STXBP6: variants seen among roughly 807,000 people sequenced by gnomAD.
STXBP6 encodes syntaxin binding protein 6.
In STXBP6, 21 loss-of-function variants were observed where a neutral mutation model predicts 26.9. That is an observed-to-expected ratio of 0.78 (90% CI 0.55 to 1.12). STXBP6 has a LOEUF of 1.12. STXBP6 is among the 50% of genes most tolerant of loss of function. STXBP6 has a pLI of 0.00. For synonymous variants in STXBP6, 97 were observed against 92.6 expected, an observed-to-expected ratio of 1.05 and a Z score of -0.27; for missense variants, 232 against 257.9, an observed-to-expected ratio of 0.90 and a Z score of 0.69.
chr14:24,857,037 T>A lies in STXBP6; in HGVS notation c.275A>T (p.Asp92Val), dbSNP rs371289936. Residue 92 changes from aspartate (D) to valine (V), a missense_variant, in exon 3 of 6, where the codon GAT becomes GTT. Transcript: ENST00000323944. The part of the protein sequence containing the change: ...LEQLRQVNGI[D>V]PNGDSAEFDL... ...GGACAATTCACTCACCCCATTAGGA[T>A]CGATACCATTAACCTGGCGAAGCTG... The A allele has an allele frequency of 1.2e-6, 2 of 1,612,672 alleles. No individual in the cohort carries two copies. The highest frequency in any genetic ancestry group is 1.7e-6 in the Non-Finnish European group (2 of 1,179,084).
chr14:24,880,229 A>C (rs1468350814), intron 2 of STXBP6, among the ~76,000 whole-genome samples: 4 of 152,252 alleles, frequency 2.6e-5, no homozygotes, highest in Admixed American at 2.6e-4. Context: ...ACCAGCGGAA[A>C]GTTTCCTTAG....
chr14:24,916,689 T>C (rs533222442), intron 2 of STXBP6, among the ~76,000 whole-genome samples: 1 of 152,162 alleles, frequency 6.6e-6, no homozygotes, highest in South Asian at 2.1e-4. Context: ...GACTTCCTCC[T>C]AGGATCTAGG....
rs2138639966 is a variant in STXBP6 at position 24,810,846 on chromosome 14, T to C, written c.*1863A>G. On this transcript the variant is annotated 3_prime_UTR_variant, in exon 6 of 6. Transcript: ENST00000323944. ...CTATCTCTGAAACCAGAATCCAATT[T>C]GGAAAGATAAATACATCTCTGTGTG... 6.9e-6 allele frequency: 1 copy of C among 145,872 alleles called. No homozygotes were observed. The highest frequency in any genetic ancestry group is 7.1e-5 in the Admixed American group (1 of 14,022). 9.0% of individuals were successfully genotyped at this position (145,872 alleles called of 1,614,324 possible).
At chr14:24,979,195 T>C (rs2074123236) in intron 1 of STXBP6, among the ~76,000 whole-genome samples, 1 of 152,274 alleles carries the variant, frequency 6.6e-6, no homozygotes, top group Non-Finnish European at 1.5e-5. Flanking sequence ...GATCCCATGT[T>C]TAACATGCAA....
At chr14:24,932,690 G>A (rs2072460053) in intron 2 of STXBP6, among the ~76,000 whole-genome samples, 3 of 152,128 alleles carry the variant, frequency 2.0e-5, no homozygotes, top group Non-Finnish European at 4.4e-5. Context: ...CAGTTAAATG[G>A]ATAGAAAGGG....
intron 4 of STXBP6, among the ~76,000 whole-genome samples, chr14:24,823,449 T>C (rs2068197719): frequency 6.6e-6 from 1 of 152,160 alleles, no homozygotes; most frequent in African/African-American, 2.4e-5. Flanking sequence ...TCAGGGTGTA[T>C]CTTGGTAATT....
At chr14:24,932,980 T>C (rs1299838080) in intron 2 of STXBP6, among the ~76,000 whole-genome samples, 1 of 152,098 alleles carries the variant, frequency 6.6e-6, no homozygotes, top group Non-Finnish European at 1.5e-5. Flanking sequence ...TTTAAAGCAG[T>C]AGAAAGGGGT....
intron 1 of STXBP6, among the ~76,000 whole-genome samples, chr14:24,989,277 T>C (rs1391362339): frequency 6.6e-6 from 1 of 152,200 alleles, no homozygotes; most frequent in Admixed American, 6.5e-5. Context: ...TTACTGAGGA[T>C]ACAGAAGCTG....
chr14:24,954,389 G>A (rs2073271120), intron 2 of STXBP6, among the ~76,000 whole-genome samples: 1 of 152,142 alleles, frequency 6.6e-6, no homozygotes, highest in East Asian at 1.9e-4. Context: ...GGCTCTGAGA[G>A]AAAAGTCCCT....
intron 2 of STXBP6, among the ~76,000 whole-genome samples, chr14:24,945,570 A>AAAAAC (rs571075931): frequency 1.9e-4 from 29 of 152,112 alleles, no homozygotes; most frequent in African/African-American, 3.6e-4. Context: ...ACCCTGTCTC[A>AAAAAC]AAAACAAAAC....
At chr14:24,973,286 AT>A (rs986345092) in intron 2 of STXBP6, among the ~76,000 whole-genome samples, 2 of 151,694 alleles carry the variant, frequency 1.3e-5, no homozygotes, top group East Asian at 1.9e-4. Context: ...CAATAACCCA[AT>A]TTTTTTATTA....
chr14:24,916,059 AAT>A (rs1274531828), intron 2 of STXBP6, among the ~76,000 whole-genome samples: 4 of 152,202 alleles, frequency 2.6e-5, no homozygotes, highest in East Asian at 1.9e-4. Flanking sequence ...GACTCAAATA[AAT>A]ATATGTCTTG....
intron 2 of STXBP6, among the ~76,000 whole-genome samples, chr14:24,930,580 G>A (rs550820382): frequency 1.2e-4 from 19 of 152,266 alleles, no homozygotes; most frequent in African/African-American, 4.6e-4. Flanking sequence ...TAACACTGAA[G>A]CAAAGGCCTA....
At chr14:24,911,972 A>G (rs938566582) in intron 2 of STXBP6, among the ~76,000 whole-genome samples, 1 of 152,188 alleles carries the variant, frequency 6.6e-6, no homozygotes, top group African/African-American at 2.4e-5. Context: ...CACTCCAAAT[A>G]TTGTAAGACA....
intron 2 of STXBP6, 63 bp downstream of exon 2, chr14:24,974,602 C>T (rs1595228302): frequency 1.4e-6 from 2 of 1,432,646 alleles, no homozygotes; most frequent in Non-Finnish European, 1.9e-6. Flanking sequence ...TCCTGGATAC[C>T]TCAGAATGAA....
chr14:24,916,620 T>G (rs79469141), intron 2 of STXBP6, among the ~76,000 whole-genome samples: 2,082 of 152,220 alleles, frequency 0.014, 48 homozygotes, highest in African/African-American at 0.047. Context: ...GAATCTTTTT[T>G]GGTTTCCAGA....
chr14:25,001,502 AG>A (rs1306956788), intron 1 of STXBP6, among the ~76,000 whole-genome samples: 1 of 152,210 alleles, frequency 6.6e-6, no homozygotes, highest in Non-Finnish European at 1.5e-5. Context: ...GCATGATTAG[AG>A]GGTTGGAACT....
At chr14:24,816,067 T>C (rs2138692217) in intron 5 of STXBP6, 1 of 152,306 alleles carries the variant, frequency 6.6e-6, no homozygotes, top group South Asian at 2.1e-4. Flanking sequence ...CAAGTTATTT[T>C]CTACTGGACT....
Position 24,895,642 on chromosome 14 carries a change from C to T in STXBP6, c.155-38485G>A, listed in dbSNP as rs1247998637. Among the ~76,000 whole-genome samples, 5 of 152,190 alleles carry T rather than the reference C, an allele frequency of 3.3e-5. No individual in the cohort carries two copies. The East Asian group carries it at 5.8e-4, about 18-fold the overall frequency. Reference sequence around the variant, plus strand: ...CGAAGATATGAATAAAAAAACAAATCCTCTCAAATACGCAGAAGATAGGGT... The same window carrying T: ...CGAAGATATGAATAAAAAAACAAATTCTCTCAAATACGCAGAAGATAGGGT... On this transcript the variant is annotated intron_variant, in intron 2 of 5. Coordinates refer to ENST00000323944, the MANE Select transcript of STXBP6 (RefSeq NM_001394410.1).
Sources: allele counts gnomAD v4.1 joint callset (sites outside exome capture counted in the v4.1 genomes callset), GRCh38; gene constraint gnomAD v4.1.1; transcripts MANE v1.5; gene names NCBI Gene and HGNC (gene_info 2026-07-23, HGNC 2026-07-21).